Variants in RABGAP1L observed in about 807,000 individuals in gnomAD.
RABGAP1L encodes rab GTPase-activating protein 1-like.
A neutral mutation model predicts 137.7 loss-of-function variants in RABGAP1L; 63 were observed. That is an observed-to-expected ratio of 0.46 (90% CI 0.37 to 0.56). The LOEUF is 0.56. Ranked by LOEUF, RABGAP1L falls within the 20% of genes least tolerant of loss-of-function variation. The pLI is 0.00. For missense variants in RABGAP1L, 1,095 were observed against 1,244.0 expected, an observed-to-expected ratio of 0.88 and a Z score of 1.80; for synonymous variants, 431 against 433.7, an observed-to-expected ratio of 0.99 and a Z score of 0.08.
intron 11 of RABGAP1L, among the ~76,000 whole-genome samples, chr1:174,325,737 C>T (rs1367465293): frequency 6.6e-6 from 1 of 152,178 alleles, no homozygotes; most frequent in Non-Finnish European, 1.5e-5. Flanking sequence ...GGGGCCCAAC[C>T]ATCTGAGGCC....
chr1:174,431,773 A>G (rs1044278872), intron 13 of RABGAP1L, among the ~76,000 whole-genome samples: 3 of 152,202 alleles, frequency 2.0e-5, no homozygotes, highest in African/African-American at 7.2e-5. Context: ...ATCAGAAGAC[A>G]GTATTCGAAT....
intron 19 of RABGAP1L, among the ~76,000 whole-genome samples, chr1:174,851,082 A>G (rs1020105305): frequency 6.6e-6 from 1 of 152,238 alleles, no homozygotes; most frequent in African/African-American, 2.4e-5. Context: ...CCCAACAGGC[A>G]TCTTGATTTC....
In RABGAP1L at chr1:174,501,283, G is replaced by A. The variant is rs561441566; in HGVS notation, c.1710+107138G>A. On this transcript the variant is annotated intron_variant, in intron 13 of 25. Transcript: ENST00000681986. ...GGCTAGAGTGCACTGGGGCCATCAC[G>A]GCTCACTGCAACCTCTGCCTCCCGG... 2.0e-5 allele frequency among the ~76,000 whole-genome samples: 3 copies of A among 150,092 alleles called. No individual in the cohort carries two copies. The East Asian group carries it at 5.9e-4, about 29-fold the overall frequency.
chr1:174,835,464 A>G (rs1342510161), intron 19 of RABGAP1L, among the ~76,000 whole-genome samples: 6 of 152,220 alleles, frequency 3.9e-5, no homozygotes, highest in African/African-American at 1.2e-4. Context: ...TAGAATTTCA[A>G]TGCAATAAAT....
chr1:174,191,015 G>A (rs374215026), intron 1 of RABGAP1L, among the ~76,000 whole-genome samples: 35 of 152,320 alleles, frequency 2.3e-4, no homozygotes, highest in East Asian at 1.5e-3. Context: ...TCTGAAGTTC[G>A]CTGTCTTAGA....
At chr1:174,631,877 A>C (rs1335427985) in intron 13 of RABGAP1L, among the ~76,000 whole-genome samples, 429 of 147,180 alleles carry the variant, frequency 2.9e-3, no homozygotes, top group Non-Finnish European at 4.1e-3. Context: ...TTAATTGGAG[A>C]ATTTAGTCCA....
At chr1:174,185,050 G>C (rs1004827071) in intron 1 of RABGAP1L, among the ~76,000 whole-genome samples, 1 of 152,148 alleles carries the variant, frequency 6.6e-6, no homozygotes, top group African/African-American at 2.4e-5. Context: ...CTTGTTGTTT[G>C]CTCTATAGGG....
intron 7 of RABGAP1L, among the ~76,000 whole-genome samples, chr1:174,267,197 A>G (rs1171775761): frequency 6.6e-6 from 1 of 152,210 alleles, no homozygotes; most frequent in African/African-American, 2.4e-5. Flanking sequence ...GAGACTGGAG[A>G]TTATGCAATT....
intron 19 of RABGAP1L, among the ~76,000 whole-genome samples, chr1:174,952,868 G>T (rs894685955): frequency 4.6e-5 from 7 of 151,906 alleles, no homozygotes; most frequent in African/African-American, 1.7e-4. Context: ...GGGATTATAG[G>T]CATGAGCCAC....
chr1:174,225,784 G>A (rs1201944135), intron 3 of RABGAP1L, among the ~76,000 whole-genome samples: 1 of 152,036 alleles, frequency 6.6e-6, no homozygotes, highest in African/African-American at 2.4e-5. Context: ...AGTTTTTGCT[G>A]CTTTGTGCTG....
intron 13 of RABGAP1L, among the ~76,000 whole-genome samples, chr1:174,610,799 T>C (rs1345960654): frequency 2.0e-5 from 3 of 152,246 alleles, no homozygotes; most frequent in African/African-American, 7.2e-5. Flanking sequence ...ATTTCTCTGA[T>C]GGCCAGTGAT....
Position 174,241,441 on chromosome 1 carries a change from G to A in RABGAP1L, c.543-42G>A, listed in dbSNP as rs766919585. 1.6e-5 allele frequency: 21 copies of A among 1,304,892 alleles called. No individual in the cohort carries two copies. In the East Asian group the frequency reaches 3.8e-4, roughly 24 times the overall value. 80.8% of individuals were successfully genotyped at this position (1,304,892 alleles called of 1,614,324 possible). A position where few individuals can be genotyped will look rare whatever the true frequency, so the allele number is the denominator to read the frequency against. On this transcript the variant is annotated intron_variant, in intron 4 of 25. Coordinates refer to ENST00000681986, the MANE Select transcript of RABGAP1L (RefSeq NM_001366446.1). ...AACTGGAAATATGTCTTTGTTCTTCGAGAATTAATATTTTATCTAACTTTT... is the reference window on the plus strand; with the variant it reads ...AACTGGAAATATGTCTTTGTTCTTCAAGAATTAATATTTTATCTAACTTTT...
intron 13 of RABGAP1L, among the ~76,000 whole-genome samples, chr1:174,565,107 G>A (rs997932858): frequency 1.3e-5 from 2 of 152,128 alleles, no homozygotes; most frequent in Admixed American, 1.3e-4. Context: ...TTTAGTGAGG[G>A]ATTCGTGGTT....
rs563536340 is a variant in RABGAP1L at position 174,364,506 on chromosome 1, G to A, written c.1466-6473G>A. ...CCTGACCTCGTGATCCACCCGCCTCGGCCTCCCAAAGTGCTGGGATTACAG... is the reference window on the plus strand; with the variant it reads ...CCTGACCTCGTGATCCACCCGCCTCAGCCTCCCAAAGTGCTGGGATTACAG... On this transcript the variant is annotated intron_variant, in intron 11 of 25. Transcript: ENST00000681986. Among the ~76,000 whole-genome samples the A allele has an allele frequency of 2.0e-3, 296 of 151,704 alleles. 1 individual carries two copies. Among genetic ancestry groups the A allele is most frequent in the African/African-American group, 6.8e-3 (280 of 41,378 alleles).
chr1:174,794,673 A>T (rs1688111160), intron 18 of RABGAP1L, among the ~76,000 whole-genome samples: 1 of 152,162 alleles, frequency 6.6e-6, no homozygotes, highest in Non-Finnish European at 1.5e-5. Flanking sequence ...ATTTTTGTCT[A>T]GGCCCATCCC....
intron 19 of RABGAP1L, among the ~76,000 whole-genome samples, chr1:174,872,210 G>A (rs1641839559): frequency 6.6e-6 from 1 of 151,876 alleles, no homozygotes; most frequent in East Asian, 1.9e-4. Flanking sequence ...GCAACTGCTA[G>A]GAGAGATAGG....
chr1:174,717,322 T>C (rs1681102202), intron 17 of RABGAP1L, among the ~76,000 whole-genome samples: 1 of 152,076 alleles, frequency 6.6e-6, no homozygotes, highest in Non-Finnish European at 1.5e-5. Context: ...AGGCAGAGGA[T>C]CGCTTGAGCC....
intron 18 of RABGAP1L, among the ~76,000 whole-genome samples, chr1:174,795,607 C>T (rs1688187532): frequency 6.6e-6 from 1 of 152,136 alleles, no homozygotes; most frequent in African/African-American, 2.4e-5. Flanking sequence ...ACTTTCTCAC[C>T]AAGGCTGGAG....
At chr1:174,771,293 A>C (rs1686090755) in intron 18 of RABGAP1L, among the ~76,000 whole-genome samples, 1 of 152,226 alleles carries the variant, frequency 6.6e-6, no homozygotes, top group South Asian at 2.1e-4. Flanking sequence ...ACAGGGAAGC[A>C]TGCTCTAAAT....
Sources: gnomAD v4.1 joint callset for allele counts (sites outside exome capture counted in the v4.1 genomes callset) on GRCh38, gnomAD v4.1.1 for gene constraint, MANE v1.5 for transcripts, NCBI Gene and HGNC (gene_info 2026-07-23, HGNC 2026-07-21) for gene names.